The following TLK2 variants were observed in gnomAD, a reference collection of about 807,000 sequenced individuals.
The protein encoded by TLK2 is serine/threonine-protein kinase tousled-like 2.
Under a neutral mutation model 117.3 loss-of-function variants are expected in TLK2, and 6 were observed. The observed-to-expected ratio is 0.05, with a 90% CI of 0.03 to 0.10. The LOEUF (loss-of-function observed/expected upper bound fraction) is 0.10. TLK2 is among the 10% of genes least tolerant of loss of function. The probability of loss-of-function intolerance (pLI) is 1.00; values close to 1 mark genes in which losing one functional copy is unlikely to be tolerated. For missense variants in TLK2, 299 were observed against 901.2 expected (o/e 0.33, Z 8.56); for synonymous variants, 257 against 316.7 (o/e 0.81, Z 2.00).
In TLK2 at chr17:62,553,665, C is replaced by T. The variant is rs372694119; in HGVS notation, c.630C>T (p.Ser210=). The T allele has an allele frequency of 4.5e-5, 73 of 1,608,208 alleles. No individual in the cohort carries two copies. The highest frequency in any genetic ancestry group is 1.0e-4 in the Admixed American group (6 of 59,742). Residue 210 remains serine (S), a splice_region_variant and synonymous_variant, in exon 9 of 22, where the codon TCC becomes TCT. Coordinates refer to ENST00000346027, the MANE Select transcript of TLK2 (RefSeq NM_006852.6). ...TTGTTTTACCTTTGTCTCTGTAGTCCGACCTCACAATAGAAAAAATATCTG... is the reference window on the plus strand; with the variant it reads ...TTGTTTTACCTTTGTCTCTGTAGTCTGACCTCACAATAGAAAAAATATCTG... ...QISIQHRQTQ[S]DLTIEKISAL...
chr17:62,603,162 G>A (rs2082999289), intron 19 of TLK2, among the ~76,000 whole-genome samples: 1 of 152,184 alleles, frequency 6.6e-6, no homozygotes, highest in African/African-American at 2.4e-5. Flanking sequence ...AGTACTGACT[G>A]TCTGGGAATC....
intron 7 of TLK2, among the ~76,000 whole-genome samples, chr17:62,546,360 T>TTTTTTTTTTTTTTTTTTA (rs1555628571): frequency 2.0e-5 from 2 of 98,862 alleles, no homozygotes; most frequent in African/African-American, 7.0e-5. Flanking sequence ...TTTTTTTTTT[T>TTTTTTTTTTTTTTTTTTA]ACATAATGAA....
At chr17:62,601,605 A>G (rs2082882523) in intron 18 of TLK2, among the ~76,000 whole-genome samples, 1 of 152,186 alleles carries the variant, frequency 6.6e-6, no homozygotes, top group African/African-American at 2.4e-5. Context: ...CTTTCCTGCA[A>G]TGGGAGCTGT....
intron 2 of TLK2, among the ~76,000 whole-genome samples, chr17:62,503,638 T>TA (rs1172498150): frequency 1.3e-5 from 2 of 151,850 alleles, no homozygotes; most frequent in African/African-American, 4.8e-5. Context: ...AGGCTGCTCT[T>TA]AAACTCCTGG....
intron 17 of TLK2, among the ~76,000 whole-genome samples, chr17:62,599,425 C>T (rs554268476): frequency 1.8e-3 from 268 of 152,300 alleles, no homozygotes; most frequent in African/African-American, 6.2e-3. Flanking sequence ...CTCGCCCTTT[C>T]GCTGCTCTGT....
chr17:62,533,445 G>A (rs890632843), intron 6 of TLK2, among the ~76,000 whole-genome samples: 1 of 135,078 alleles, frequency 7.4e-6, no homozygotes, highest in East Asian at 2.1e-4. Context: ...TTGCTGTGTA[G>A]CCCAGTGTGT....
chr17:62,555,087 C>G (rs2078755124), intron 9 of TLK2, among the ~76,000 whole-genome samples: 1 of 151,750 alleles, frequency 6.6e-6, no homozygotes, highest in Non-Finnish European at 1.5e-5. Flanking sequence ...CATTGGCTAG[C>G]ATTTTTCTCT....
intron 7 of TLK2, chr17:62,550,230 C>G (rs2146159330): frequency 6.6e-6 from 1 of 152,424 alleles, no homozygotes; most frequent in South Asian, 2.1e-4. Flanking sequence ...ATCCACCCAC[C>G]TCGGCCTCCC....
intron 2 of TLK2, among the ~76,000 whole-genome samples, chr17:62,499,354 G>A (rs1221161645): frequency 5.3e-5 from 8 of 151,424 alleles, no homozygotes; most frequent in Admixed American, 2.0e-4. Flanking sequence ...AAAAAAGGAC[G>A]GTGTTTTGCC....
At chr17:62,545,736 G>C (rs1598484303) in intron 7 of TLK2, among the ~76,000 whole-genome samples, 1 of 152,088 alleles carries the variant, frequency 6.6e-6, no homozygotes. Flanking sequence ...GTCTCATTTT[G>C]TCACCCAGGC....
intron 19 of TLK2, among the ~76,000 whole-genome samples, 189 bp from the exon 20 acceptor site, chr17:62,605,941 A>G (rs2083261510): frequency 7.1e-6 from 1 of 140,584 alleles, no homozygotes; most frequent in Non-Finnish European, 1.5e-5. Flanking sequence ...CGGGAGGTTG[A>G]GGCCGTAATG....
upstream of TLK2, among the ~76,000 whole-genome samples, chr17:62,475,980 TATTATC>T (rs2071034318): frequency 6.7e-6 from 1 of 149,106 alleles, no homozygotes; most frequent in Non-Finnish European, 1.5e-5. Context: ...ACTTTTATTT[TATTATC>T]ATTATTTTTG....
intron 15 of TLK2, 108 bp from the exon 16 acceptor site, chr17:62,586,027 T>G: frequency 1.3e-6 from 1 of 743,772 alleles, no homozygotes; most frequent in East Asian, 2.7e-5. Context: ...ATGTATTTAA[T>G]AATGTATTTT....
At chr17:62,510,883 C>A (rs1170758816) in intron 2 of TLK2, among the ~76,000 whole-genome samples, 2 of 152,142 alleles carry the variant, frequency 1.3e-5, no homozygotes, top group African/African-American at 4.8e-5. Flanking sequence ...CTGGCCCTAG[C>A]AAATGCTACC....
chr17:62,552,521 T>C (rs1304416086), intron 8 of TLK2, 124 bp downstream of exon 8: 1 of 1,479,606 alleles, frequency 6.8e-7, no homozygotes, highest in African/African-American at 1.4e-5. Context: ...ATTATTTGTG[T>C]GTATTATATT....
intron 7 of TLK2, among the ~76,000 whole-genome samples, chr17:62,538,022 G>A (rs970573592): frequency 7.4e-6 from 1 of 134,828 alleles, no homozygotes; most frequent in South Asian, 2.4e-4. Context: ...ACTTACTTTT[G>A]TTAAATCTTT....
At chr17:62,589,326 A>C (rs1366995991) in intron 16 of TLK2, among the ~76,000 whole-genome samples, 13 of 152,328 alleles carry the variant, frequency 8.5e-5, no homozygotes, top group African/African-American at 2.6e-4. Context: ...CTTTTGTATG[A>C]TACTCTATTC....
At chr17:62,489,156 G>A (rs980158281) in intron 2 of TLK2, among the ~76,000 whole-genome samples, 2 of 144,746 alleles carry the variant, frequency 1.4e-5, no homozygotes, top group African/African-American at 5.0e-5. Flanking sequence ...CGCCATTGCT[G>A]TTCTGTATTT....
intron 2 of TLK2, among the ~76,000 whole-genome samples, chr17:62,485,424 A>T (rs1008695361): frequency 6.6e-6 from 1 of 152,198 alleles, no homozygotes; most frequent in Non-Finnish European, 1.5e-5. Flanking sequence ...AAAATGGCCA[A>T]ATCTCCACAT....
Sources: allele counts gnomAD v4.1 joint callset (sites outside exome capture counted in the v4.1 genomes callset), GRCh38; gene constraint gnomAD v4.1.1; transcripts MANE v1.5; gene names NCBI Gene and HGNC (gene_info 2026-07-23, HGNC 2026-07-21).